The following KIAA1549L variants were observed in gnomAD, a reference collection of about 807,000 sequenced individuals.
KIAA1549L encodes KIAA1549 like.
Under a neutral mutation model 160.7 loss-of-function variants are expected in KIAA1549L, and 88 were observed. The ratio of observed to expected loss-of-function variants is 0.55; its 90% CI spans 0.46 to 0.65. The LOEUF is 0.65. KIAA1549L is among the 30% of genes least tolerant of loss of function. The pLI is 0.00. For synonymous variants in KIAA1549L, 950 were observed against 976.7 expected, an observed-to-expected ratio of 0.97 and a Z score of 0.51; for missense variants, 2,258 against 2,437.5, an observed-to-expected ratio of 0.93 and a Z score of 1.55.
rs1384740480 is a variant in KIAA1549L, at chr11:33,668,063, A to G, written c.6350A>G (p.Asn2117Ser). ...GACCCGTCTGACGCTCCCCTGACCA[A>G]CATCTCCACTGCGGCCCTTGTGAAG... is the stretch of plus-strand genomic sequence containing the variant. ...ENDPSDAPLT[N>S]ISTAALVKAI... Residue 2117 changes from asparagine (N) to serine (S), a missense_variant, in exon 21 of 21, where the codon AAC (asparagine) becomes AGC (serine). Coordinates refer to ENST00000658780, the MANE Select transcript of KIAA1549L (RefSeq NM_012194.3). 7 of 1,613,878 alleles carry G rather than the reference A, an allele frequency of 4.3e-6. No individual in the cohort carries two copies. The highest frequency in any genetic ancestry group is 5.9e-6 in the Non-Finnish European group (7 of 1,179,900).
intron 1 of KIAA1549L, among the ~76,000 whole-genome samples, chr11:33,444,648 C>A (rs1851575452): frequency 6.6e-6 from 1 of 152,190 alleles, no homozygotes. Flanking sequence ...CTTTTAGCAG[C>A]TATTGAAATG....
At chr11:33,544,564 A>G (rs1356813604) in intron 2 of KIAA1549L, among the ~76,000 whole-genome samples, 1 of 152,192 alleles carries the variant, frequency 6.6e-6, no homozygotes, top group African/African-American at 2.4e-5. Context: ...GCTATCAACC[A>G]TAGCTGTGCT....
chr11:33,447,605 A>G (rs920464413), intron 1 of KIAA1549L, among the ~76,000 whole-genome samples: 2 of 138,630 alleles, frequency 1.4e-5, no homozygotes, highest in African/African-American at 5.4e-5. Flanking sequence ...TATTCATTGT[A>G]TACATGCACA....
chr11:33,605,204 A>G (rs1023206632), intron 13 of KIAA1549L, among the ~76,000 whole-genome samples: 1 of 151,932 alleles, frequency 6.6e-6, no homozygotes, highest in Non-Finnish European at 1.5e-5. Context: ...TTTTACAACT[A>G]AGCCTTGGAA....
intron 1 of KIAA1549L, among the ~76,000 whole-genome samples, chr11:33,442,162 A>G (rs1851521417): frequency 6.6e-6 from 1 of 152,160 alleles, no homozygotes; most frequent in Non-Finnish European, 1.5e-5. Context: ...TCCCAGCACC[A>G]TTTATTAAAT....
intron 1 of KIAA1549L, among the ~76,000 whole-genome samples, chr11:33,387,378 T>C (rs1850194050): frequency 6.6e-6 from 1 of 152,030 alleles, no homozygotes; most frequent in South Asian, 2.1e-4. Flanking sequence ...CAGTCTCGGC[T>C]CACTGCAATC....
intron 1 of KIAA1549L, among the ~76,000 whole-genome samples, chr11:33,508,648 G>T (rs1853150065): frequency 6.6e-6 from 1 of 152,162 alleles, no homozygotes; most frequent in Non-Finnish European, 1.5e-5. Context: ...ACCTCATCTT[G>T]TTCTCAGCCC....
chr11:33,415,006 A>G (rs991223195), intron 1 of KIAA1549L, among the ~76,000 whole-genome samples: 3 of 151,696 alleles, frequency 2.0e-5, no homozygotes, highest in Non-Finnish European at 4.4e-5. Flanking sequence ...TTTAATTTTT[A>G]TAGTGTTTTT....
At chr11:33,609,716 CAGGTTTG>C in intron 14 of KIAA1549L, 26 bp from the exon 15 acceptor site, 2 of 1,547,160 alleles carry the variant, frequency 1.3e-6, no homozygotes, top group Non-Finnish European at 1.8e-6. Context: ...CCCACTGGGT[CAGGTTTG>C]GGCCTGAGAC....
At chr11:33,623,154 A>T (rs1851005780) in intron 16 of KIAA1549L, among the ~76,000 whole-genome samples, 1 of 152,172 alleles carries the variant, frequency 6.6e-6, no homozygotes, top group South Asian at 2.1e-4. Context: ...AGCACCTTAC[A>T]GCTTTGGCGT....
intron 1 of KIAA1549L, among the ~76,000 whole-genome samples, chr11:33,465,135 A>C (rs1852027954): frequency 7.2e-6 from 1 of 138,186 alleles, no homozygotes; most frequent in South Asian, 2.3e-4. Context: ...GGCTCACTGC[A>C]ACCTCCGCCT....
intron 1 of KIAA1549L, among the ~76,000 whole-genome samples, chr11:33,514,364 A>C (rs550198288): frequency 2.6e-5 from 4 of 152,170 alleles, no homozygotes; most frequent in Non-Finnish European, 4.4e-5. Context: ...GGACTGATCA[A>C]CCCTTTGCAA....
In KIAA1549L at chr11:33,518,138, C is replaced by CAAAAAAAAAAAAAA. The variant is rs560876643; in HGVS notation, c.239-23649_239-23636dup. Among the ~76,000 whole-genome samples the CAAAAAAAAAAAAAA allele has an allele frequency of 7.7e-4, 46 of 59,412 alleles. 1 individual carries two copies. Among genetic ancestry groups the CAAAAAAAAAAAAAA allele is most frequent in the African/African-American group, 2.6e-3 (40 of 15,260 alleles). The allele number at this position is 59,412 out of a possible 152,430, so 39.0% of individuals were successfully genotyped here. A position where few individuals can be genotyped will look rare whatever the true frequency, so the allele number is the denominator to read the frequency against. On this transcript the variant is annotated intron_variant, in intron 1 of 20. Transcript: ENST00000658780. ...TGAGCAACAGAGCAAGACTCTGTCT[C>CAAAAAAAAAAAAAA]AAAAAAAAAAAAAAAAAAAAAAAAA...
At chr11:33,541,015 A>G (rs1854007325) in intron 1 of KIAA1549L, among the ~76,000 whole-genome samples, 1 of 152,236 alleles carries the variant, frequency 6.6e-6, no homozygotes, top group South Asian at 2.1e-4. Context: ...GGAATTTTTC[A>G]GAATATTGCC....
chr11:33,569,117 G>A (rs934055489), intron 9 of KIAA1549L, among the ~76,000 whole-genome samples: 12 of 152,080 alleles, frequency 7.9e-5, no homozygotes, highest in African/African-American at 1.7e-4. Flanking sequence ...AACTAGAAGC[G>A]CTCAGCTCTT....
At chr11:33,466,434 G>A (rs779113610) in intron 1 of KIAA1549L, among the ~76,000 whole-genome samples, 3 of 152,226 alleles carry the variant, frequency 2.0e-5, no homozygotes, top group Admixed American at 6.5e-5. Context: ...TCTCACGCCA[G>A]TTAGAATGGC....
rs1554976825 is a variant in KIAA1549L at position 33,435,816 on chromosome 11, G to GTATATATATA, written c.238+58928_238+58929insATATATATAT. On this transcript the variant is annotated intron_variant, in intron 1 of 20. Transcript: ENST00000658780. ...TATATATATATATATATATATGTGT[G>GTATATATATA]TGTATATATATATATGTATATGTAT... Among the ~76,000 whole-genome samples the GTATATATATA allele has an allele frequency of 1.0e-3, 40 of 39,566 alleles. 6 individuals carry two copies. In the East Asian group the frequency reaches 0.014, roughly 14 times the overall value. 26.0% of individuals were successfully genotyped at this position (39,566 alleles called of 152,430 possible). A position where few individuals can be genotyped will look rare whatever the true frequency, so the allele number is the denominator to read the frequency against.
chr11:33,520,166 A>G (rs1853446262), intron 1 of KIAA1549L, among the ~76,000 whole-genome samples: 2 of 151,972 alleles, frequency 1.3e-5, no homozygotes, highest in Non-Finnish European at 2.9e-5. Context: ...AGATCTAGCG[A>G]ATTTTTAAGC....
At chr11:33,462,536 T>C (rs1461330342) in intron 1 of KIAA1549L, among the ~76,000 whole-genome samples, 1 of 152,226 alleles carries the variant, frequency 6.6e-6, no homozygotes, top group East Asian at 1.9e-4. Context: ...TCTATCTTTA[T>C]TATCAATCTA....
Sources: allele counts gnomAD v4.1 joint callset (sites outside exome capture counted in the v4.1 genomes callset), GRCh38; gene constraint gnomAD v4.1.1; transcripts MANE v1.5; gene names NCBI Gene and HGNC (gene_info 2026-07-23, HGNC 2026-07-21).